Variants in ABCC1 observed in about 807,000 individuals in gnomAD.
ABCC1 encodes the protein ATP binding cassette subfamily C member 1 (ABCC1 blood group).
In ABCC1, 83 loss-of-function variants were observed where a neutral mutation model predicts 172.9. The observed-to-expected ratio is 0.48, with a 90% CI of 0.40 to 0.58. ABCC1 has a LOEUF of 0.58. Ranked by LOEUF, ABCC1 falls within the 20% of genes least tolerant of loss-of-function variation. The pLI is 0.00. For synonymous variants in ABCC1, 937 were observed against 825.2 expected, an observed-to-expected ratio of 1.14 and a Z score of -2.32; for missense variants, 1,817 against 2,002.7, an observed-to-expected ratio of 0.91 and a Z score of 1.77.
intron 27 of ABCC1, among the ~76,000 whole-genome samples, chr16:16,132,412 G>A (rs898137800): frequency 2.6e-5 from 4 of 151,416 alleles, no homozygotes; most frequent in African/African-American, 4.9e-5. Flanking sequence ...GAGCTCAACC[G>A]GTCTGCCCGC....
intron 12 of ABCC1, among the ~76,000 whole-genome samples, chr16:16,058,102 G>A (rs2049748625): frequency 6.6e-6 from 1 of 152,092 alleles, no homozygotes; most frequent in Admixed American, 6.6e-5. Flanking sequence ...CTGGGGTATG[G>A]TAATGGGTCT....
At chr16:16,114,363 G>A (rs541993515) in intron 22 of ABCC1, among the ~76,000 whole-genome samples, 65 of 150,218 alleles carry the variant, frequency 4.3e-4, no homozygotes, top group Middle Eastern at 3.4e-3. Flanking sequence ...TTTTTGAGAC[G>A]GAGTCTCATT....
At chr16:15,969,806 C>T (rs764228420) in intron 1 of ABCC1, among the ~76,000 whole-genome samples, 1 of 152,096 alleles carries the variant, frequency 6.6e-6, no homozygotes, top group Non-Finnish European at 1.5e-5. Flanking sequence ...AGGGTCAGTG[C>T]CCATGAATGG....
chr16:16,068,196 A>G lies in ABCC1; in HGVS notation c.1718A>G (p.Glu573Gly), dbSNP rs754860602. Residue 573 changes from glutamate (E) to glycine (G), a missense_variant, in exon 13 of 31, where the codon GAG becomes GGG. Glu to Gly is a moderately conservative substitution (Grantham distance 98). Transcript: ENST00000399410. The part of the protein sequence containing the change: ...CTFAVYVTID[E>G]NNILDAQTAF... ...TTTGCCGTCTACGTGACCATTGACG[A>G]GAACAACATCCTGGATGCCCAGACA... 8.1e-6 allele frequency: 13 copies of G among 1,614,040 alleles called. No individual in the cohort carries two copies. The highest frequency in any genetic ancestry group is 2.2e-5 in the South Asian group (2 of 91,080).
chr16:15,969,534 G>A (rs1234446082), intron 1 of ABCC1, among the ~76,000 whole-genome samples: 2 of 151,864 alleles, frequency 1.3e-5, no homozygotes, highest in Non-Finnish European at 2.9e-5. Flanking sequence ...CACCACGCCC[G>A]GCTACTTTTT....
At chr16:16,133,751 C>T (rs1239444091) in intron 27 of ABCC1, among the ~76,000 whole-genome samples, 1 of 152,094 alleles carries the variant, frequency 6.6e-6, no homozygotes. Flanking sequence ...AATTTTTGCA[C>T]GCATGCTGCT....
chr16:16,135,553 T>G (rs2045887278), intron 28 of ABCC1, among the ~76,000 whole-genome samples: 1 of 152,170 alleles, frequency 6.6e-6, no homozygotes. Flanking sequence ...CCTCCTGGGT[T>G]CAAGCGATTC....
At chr16:16,039,674 G>C (rs374125789) in intron 7 of ABCC1, among the ~76,000 whole-genome samples, 2 of 152,076 alleles carry the variant, frequency 1.3e-5, no homozygotes, top group East Asian at 1.9e-4. Context: ...GGCTGTTTTC[G>C]AGCCTCTGGC....
rs1434304491 is a variant in ABCC1, at chr16:16,009,884, C to G, written c.334C>G (p.Leu112Val). The G allele has an allele frequency of 6.2e-7, 1 of 1,608,460 alleles. No individual in the cohort carries two copies. The highest frequency in any genetic ancestry group is 2.2e-5 in the East Asian group (1 of 44,486). The change falls in exon 3 of 31, where the codon CTC becomes GTC. Residue 112 changes from leucine to valine, a missense_variant. Physicochemically the swap from Leu to Val is conservative, Grantham distance 32. Transcript: ENST00000399410. ...CCCAGTGTTTCTGGTCAGCCCAACT[C>G]TCTTGGGCATCACCATGGTAAGTAG... ...LAPVFLVSPTLLGITMLLATF... is the reference protein window; with the variant it reads ...LAPVFLVSPTVLGITMLLATF...
chr16:16,121,972 CA>C lies in ABCC1; in HGVS notation c.3391-2del, dbSNP rs779984156. On this transcript the variant is annotated splice_acceptor_variant, in intron 23 of 30. Coordinates refer to ENST00000399410, the MANE Select transcript of ABCC1 (RefSeq NM_004996.4). LOFTEE classifies it high-confidence loss of function. ...AACTCCCCGCGTCTGTTCTCTACCC[CA>C]GAGGTTCTACGTGGCTTCCTCCCGG... 12 of 1,614,180 alleles carry C rather than the reference CA, an allele frequency of 7.4e-6. No homozygotes were observed. The highest frequency in any genetic ancestry group is 1.0e-5 in the Non-Finnish European group (12 of 1,180,038).
intron 1 of ABCC1, among the ~76,000 whole-genome samples, chr16:16,005,150 G>C (rs540676675): frequency 6.6e-6 from 1 of 150,762 alleles, no homozygotes; most frequent in Admixed American, 6.6e-5. Flanking sequence ...GGGGGTCTCA[G>C]GTGATCGTGG....
chr16:15,990,719 G>A (rs1597078223), intron 1 of ABCC1, among the ~76,000 whole-genome samples: 2 of 151,492 alleles, frequency 1.3e-5, no homozygotes, highest in South Asian at 2.1e-4. Flanking sequence ...GCACGATCTC[G>A]GCTCACTGCA....
intron 5 of ABCC1, among the ~76,000 whole-genome samples, chr16:16,021,133 C>A (rs1426139079): frequency 6.6e-6 from 1 of 152,086 alleles, no homozygotes; most frequent in Non-Finnish European, 1.5e-5. Flanking sequence ...TGGGGAGGTG[C>A]TCAGTACATG....
At chr16:16,059,576 G>A (rs755519630) in intron 12 of ABCC1, among the ~76,000 whole-genome samples, 1 of 152,046 alleles carries the variant, frequency 6.6e-6, no homozygotes, top group Non-Finnish European at 1.5e-5. Context: ...AGGCCGAGGC[G>A]GGCGGGTTGC....
chr16:16,115,654 T>G (rs566771001), intron 23 of ABCC1, among the ~76,000 whole-genome samples: 1 of 152,196 alleles, frequency 6.6e-6, no homozygotes, highest in East Asian at 1.9e-4. Flanking sequence ...GCCTAAAATT[T>G]CTTCAAGTAT....
chr16:16,088,987 G>T (rs899665033), intron 18 of ABCC1, among the ~76,000 whole-genome samples: 2 of 152,190 alleles, frequency 1.3e-5, no homozygotes, highest in Non-Finnish European at 2.9e-5. Flanking sequence ...GGGATTACAG[G>T]TGTGAGCCAC....
chr16:15,999,788 TCTCTCTCTCTCTCTCTCTCTC>T (rs1362253875), intron 1 of ABCC1, among the ~76,000 whole-genome samples: 1 of 29,104 alleles, frequency 3.4e-5, no homozygotes. Context: ...TCTCTCTCTC[TCTCTCTCTCTCTCTCTCTCTC>T]CTCTCTCTCT....
intron 26 of ABCC1, among the ~76,000 whole-genome samples, chr16:16,131,348 A>G (rs546837860): frequency 6.6e-6 from 1 of 152,198 alleles, no homozygotes; most frequent in Non-Finnish European, 1.5e-5. Context: ...CACTTTCTAT[A>G]TCAGCAGCTG....
At chr16:16,084,381 T>G (rs908159764) in intron 17 of ABCC1, among the ~76,000 whole-genome samples, 1 of 149,588 alleles carries the variant, frequency 6.7e-6, no homozygotes, top group Non-Finnish European at 1.5e-5. Flanking sequence ...TTTTTTTTTT[T>G]GAAATGGAGT....
Sources: gnomAD v4.1 joint callset for allele counts (sites outside exome capture counted in the v4.1 genomes callset) on GRCh38, gnomAD v4.1.1 for gene constraint, MANE v1.5 for transcripts, NCBI Gene and HGNC (gene_info 2026-07-23, HGNC 2026-07-21) for gene names.